The following SLCO3A1 variants were observed in gnomAD, a reference collection of about 807,000 sequenced individuals.
The protein encoded by SLCO3A1 is solute carrier organic anion transporter family member 3A1.
In SLCO3A1, 27 loss-of-function variants were observed where a neutral mutation model predicts 63.1. That is an observed-to-expected ratio of 0.43 (90% CI 0.32 to 0.59). The LOEUF (loss-of-function observed/expected upper bound fraction) is 0.59, where lower values mean the gene tolerates loss of function less well. Among genes scored for constraint, SLCO3A1 ranks in the 20% least tolerant of loss-of-function variants. SLCO3A1 has a pLI of 0.09. For missense variants in SLCO3A1, 773 were observed against 945.8 expected (o/e 0.82, Z 2.40); for synonymous variants, 473 against 409.9 (o/e 1.15, Z -1.86).
chr15:92,044,603 C>T (rs2046837984), intron 2 of SLCO3A1, among the ~76,000 whole-genome samples: 1 of 152,146 alleles, frequency 6.6e-6, no homozygotes, highest in African/African-American at 2.4e-5. Context: ...CAGGGCCCCT[C>T]ACCTTCCTCC....
intron 1 of SLCO3A1, among the ~76,000 whole-genome samples, chr15:91,903,056 A>AT (rs771897380): frequency 1.3e-5 from 2 of 152,174 alleles, no homozygotes; most frequent in Non-Finnish European, 2.9e-5. Flanking sequence ...AAGGGCAGGG[A>AT]CTGTATCTTA....
intron 2 of SLCO3A1, among the ~76,000 whole-genome samples, chr15:92,091,287 C>G (rs1037412305): frequency 6.6e-6 from 1 of 152,200 alleles, no homozygotes; most frequent in African/African-American, 2.4e-5. Context: ...CTCTCCTCCC[C>G]ACCGACATAC....
intron 9 of SLCO3A1, among the ~76,000 whole-genome samples, chr15:92,153,341 G>A (rs898037651): frequency 6.6e-6 from 1 of 152,038 alleles, no homozygotes; most frequent in Non-Finnish European, 1.5e-5. Context: ...AAAAAAGTTG[G>A]TTGTGACCCA....
intron 1 of SLCO3A1, among the ~76,000 whole-genome samples, chr15:91,901,212 A>G (rs1898146853): frequency 6.6e-6 from 1 of 152,190 alleles, no homozygotes; most frequent in South Asian, 2.1e-4. Context: ...AGTGTACTTC[A>G]GATCAGTACT....
At chr15:92,122,380 C>T (rs573524721) in intron 5 of SLCO3A1, among the ~76,000 whole-genome samples, 48 of 152,346 alleles carry the variant, frequency 3.2e-4, no homozygotes, top group African/African-American at 1.1e-3. Flanking sequence ...TTAAAATCTC[C>T]TGTCATGTCA....
At chr15:91,914,868 G>A (rs1308654374) in intron 1 of SLCO3A1, among the ~76,000 whole-genome samples, 4 of 152,022 alleles carry the variant, frequency 2.6e-5, no homozygotes, top group Admixed American at 1.3e-4. Flanking sequence ...CACTGCTCCC[G>A]GCCCCAGCTA....
At chr15:91,878,746 C>T (rs1897469446) in intron 1 of SLCO3A1, among the ~76,000 whole-genome samples, 1 of 152,194 alleles carries the variant, frequency 6.6e-6, no homozygotes, top group African/African-American at 2.4e-5. Context: ...TTTTCATTCA[C>T]AGACATCTAA....
intron 2 of SLCO3A1, among the ~76,000 whole-genome samples, chr15:92,071,621 C>G (rs747999029): frequency 6.6e-6 from 1 of 152,362 alleles, no homozygotes; most frequent in East Asian, 1.9e-4. Context: ...ATGGACAACA[C>G]TGGCCCGGCA....
intron 2 of SLCO3A1, among the ~76,000 whole-genome samples, chr15:92,056,357 CAA>C (rs35482961): frequency 6.6e-6 from 1 of 151,434 alleles, no homozygotes; most frequent in East Asian, 1.9e-4. Flanking sequence ...TTTTCTGCTC[CAA>C]AAAAAAATGG....
chr15:92,102,379 T>C (rs977957252), intron 3 of SLCO3A1, among the ~76,000 whole-genome samples: 1 of 152,174 alleles, frequency 6.6e-6, no homozygotes, highest in African/African-American at 2.4e-5. Context: ...TACATATATG[T>C]ACATAAAAGT....
chr15:92,013,532 G>T (rs1360339335), intron 2 of SLCO3A1, among the ~76,000 whole-genome samples: 1 of 152,164 alleles, frequency 6.6e-6, no homozygotes, highest in African/African-American at 2.4e-5. Context: ...AGCACAGGGA[G>T]CCTTGAAACA....
intron 2 of SLCO3A1, among the ~76,000 whole-genome samples, chr15:92,083,944 C>G (rs1049017014): frequency 3.3e-5 from 5 of 152,202 alleles, no homozygotes. Context: ...CAAGGTCACA[C>G]AGCCAGTGAC....
At chr15:92,074,093 C>G (rs1192743040) in intron 2 of SLCO3A1, among the ~76,000 whole-genome samples, 5 of 152,206 alleles carry the variant, frequency 3.3e-5, no homozygotes, top group African/African-American at 1.2e-4. Context: ...ATTGCTTGAA[C>G]CGAGGAGGCA....
At chr15:92,001,824 G>GTTT (rs1555423043) in intron 2 of SLCO3A1, among the ~76,000 whole-genome samples, 1 of 125,894 alleles carries the variant, frequency 7.9e-6, no homozygotes, top group Non-Finnish European at 1.7e-5. Flanking sequence ...AGTTGTGTGA[G>GTTT]TTCTTTTTTT....
intron 2 of SLCO3A1, among the ~76,000 whole-genome samples, chr15:92,049,960 A>C (rs976458075): frequency 2.0e-5 from 3 of 152,166 alleles, no homozygotes; most frequent in Non-Finnish European, 4.4e-5. Flanking sequence ...AGGAGCAGCA[A>C]ATGTCAGCGG....
At chr15:91,878,283 C>G (rs567667730) in intron 1 of SLCO3A1, among the ~76,000 whole-genome samples, 2 of 152,014 alleles carry the variant, frequency 1.3e-5, no homozygotes, top group South Asian at 4.2e-4. Context: ...CGAAGTTCAC[C>G]CTGTTGGCCA....
intron 2 of SLCO3A1, among the ~76,000 whole-genome samples, chr15:92,060,881 C>T (rs957783954): frequency 3.3e-5 from 5 of 152,110 alleles, no homozygotes; most frequent in African/African-American, 1.2e-4. Flanking sequence ...ACACATTAAC[C>T]TTGGCCTACC....
rs1036610017 is a variant in SLCO3A1, at chr15:91,885,888, A to C, written c.181-30105A>C. The stretch of plus-strand genomic sequence containing the variant: ...TTTGGAGCAAGAATGTTTCAGGCAG[A>C]GGGACTAGGAAGTGCAAAGGCCCTG... On this transcript the variant is annotated intron_variant, in intron 1 of 9. Transcript: ENST00000318445. This position sits in a 1 kb window ranked among gnomAD's most constrained non-coding sequence, Gnocchi z 4.7. Among the ~76,000 whole-genome samples the C allele has an allele frequency of 3.3e-5, 5 of 152,202 alleles. No individual in the cohort carries two copies. The highest frequency in any genetic ancestry group is 2.6e-4 in the Admixed American group (4 of 15,286).
At chr15:92,136,102 C>T (rs539601360) in intron 7 of SLCO3A1, among the ~76,000 whole-genome samples, 4 of 152,132 alleles carry the variant, frequency 2.6e-5, no homozygotes, top group African/African-American at 9.7e-5. Context: ...AAACTAAGAC[C>T]TCATCTCTGA....
Sources: gnomAD v4.1 joint callset for allele counts (sites outside exome capture counted in the v4.1 genomes callset) on GRCh38, gnomAD v4.1.1 for gene constraint, Gnocchi (gnomAD v3.1) non-coding constraint, MANE v1.5 for transcripts, NCBI Gene and HGNC (gene_info 2026-07-23, HGNC 2026-07-21) for gene names.